The following POLDIP2 variants were observed in gnomAD, a reference collection of about 807,000 sequenced individuals.
POLDIP2 encodes the protein polymerase delta-interacting protein 2.
A neutral mutation model predicts 52.9 loss-of-function variants in POLDIP2; 32 were observed. That is an observed-to-expected ratio of 0.61 (90% confidence interval 0.46 to 0.81). The LOEUF (loss-of-function observed/expected upper bound fraction) is 0.81. Ranked by LOEUF, POLDIP2 falls within the 40% of genes least tolerant of loss-of-function variation. The pLI is 0.00. For synonymous variants in POLDIP2, 183 were observed against 183.0 expected (o/e 1.00, Z 0.00); for missense variants, 371 against 477.3 (o/e 0.78, Z 2.07).
chr17:28,346,932 CA>C lies in POLDIP2; in HGVS notation c.*1184del, dbSNP rs1467397549. On this transcript the variant is annotated 3_prime_UTR_variant, in exon 11 of 11. Transcript: ENST00000540200. The stretch of plus-strand genomic sequence containing the variant: ...GCAGGAAAGAATTTTTCCTTTATCA[CA>C]TAACTGTAATATTTGGTTGCTCAGC... 6.6e-6 allele frequency: 1 copy of C among 152,216 alleles called. No homozygotes were observed. Among genetic ancestry groups the C allele is most frequent in the Non-Finnish European group, 1.5e-5 (1 of 68,044 alleles). The allele number at this position is 152,216 out of a possible 1,614,324, so 9.4% of individuals were successfully genotyped here.
At chr17:28,351,445 T>G (rs533400741) in intron 7 of POLDIP2, among the ~76,000 whole-genome samples, 1 of 152,260 alleles carries the variant, frequency 6.6e-6, no homozygotes, top group Non-Finnish European at 1.5e-5. Context: ...GGATAAAGGA[T>G]TCCTTCCTGG....
chr17:28,354,518 TCATACAGTCTGGCCTG>T lies in POLDIP2; in HGVS notation c.295_310del (p.Gln99ThrfsTer23), dbSNP rs1907941022. On this transcript the variant is annotated frameshift_variant, in exon 3 of 11. Transcript: ENST00000540200. LOFTEE classifies it high-confidence loss of function. The stretch of plus-strand genomic sequence containing the variant: ...TGGAGCTGCAGAAGCCACATCCCGG[TCATACAGTCTGGCCTG>T]CCAGGGAAACAGGACGACACCTCGG... 1 of 1,560,156 alleles carries T rather than the reference TCATACAGTCTGGCCTG, an allele frequency of 6.4e-7. No individual in the cohort carries two copies. Among genetic ancestry groups the T allele is most frequent in the Non-Finnish European group, 8.7e-7 (1 of 1,151,944 alleles).
intron 1 of POLDIP2, 62 bp downstream of exon 1, chr17:28,357,226 C>T: frequency 6.8e-7 from 1 of 1,467,260 alleles, no homozygotes; most frequent in South Asian, 1.3e-5. Context: ...TCCGCACTGG[C>T]TAGGAACACG....
intron 2 of POLDIP2, 144 bp from the exon 3 acceptor site, chr17:28,354,729 C>G: frequency 3.1e-6 from 2 of 652,318 alleles, no homozygotes; most frequent in East Asian, 2.7e-5. Context: ...TCAACCAGAC[C>G]AATGCTGGAA....
chr17:28,353,079 G>A (rs1472797707), intron 5 of POLDIP2, 60 bp from the exon 6 acceptor site: 8 of 783,640 alleles, frequency 1.0e-5, no homozygotes, highest in Non-Finnish European at 1.9e-5. Context: ...AGATGGGGTT[G>A]AGAAGAAACA....
At chr17:28,349,560 GC>G (rs1555579558) in intron 9 of POLDIP2, among the ~76,000 whole-genome samples, 1 of 151,832 alleles carries the variant, frequency 6.6e-6, no homozygotes, top group Admixed American at 6.6e-5. Flanking sequence ...GATTGCTTGA[GC>G]CCAGAAAAGT....
Position 28,348,058 on chromosome 17 carries a change from G to T in POLDIP2, c.*59C>A. On this transcript the variant is annotated 3_prime_UTR_variant, in exon 11 of 11. Transcript: ENST00000540200. Reference sequence around the variant, plus strand: ...GGGAGAGAAGAGTTCTGCAGCAATTGTGGGATGAGAGTTGTTCTTCCCGGT... The same window carrying T: ...GGGAGAGAAGAGTTCTGCAGCAATTTTGGGATGAGAGTTGTTCTTCCCGGT... The T allele has an allele frequency of 1.1e-6, 1 of 949,868 alleles. No individual in the cohort carries two copies. Among genetic ancestry groups the T allele is most frequent in the Non-Finnish European group, 1.7e-6 (1 of 581,552 alleles). 58.8% of individuals were successfully genotyped at this position (949,868 alleles called of 1,614,324 possible).
intron 3 of POLDIP2, 27 bp from the exon 4 acceptor site, chr17:28,353,818 A>T: frequency 6.9e-7 from 1 of 1,453,640 alleles, no homozygotes; most frequent in Non-Finnish European, 9.7e-7. Flanking sequence ...GGAGGCCAAG[A>T]TCACCCCAGG....
rs532900593 is a variant in POLDIP2 at position 28,357,442 on chromosome 17, C to G, written c.7G>C (p.Ala3Pro). The G allele has an allele frequency of 6.9e-7, 1 of 1,449,656 alleles. No homozygotes were observed. The highest frequency in any genetic ancestry group is 9.0e-7 in the Non-Finnish European group (1 of 1,115,864). The allele number at this position is 1,449,656 out of a possible 1,614,324, so 89.8% of individuals were successfully genotyped here. ...GCCAGGGCCCGCCGGGCTGTACAGG[C>G]TGCCATGTCCCGCCCGAGCGCCCGC... Reference protein sequence around the residue: MAACTARRALAVG... With the variant: MAPCTARRALAVG... Residue 3 changes from alanine to proline, a missense_variant, in exon 1 of 11, where the codon GCC (alanine) becomes CCC (proline). Transcript: ENST00000540200.
intron 5 of POLDIP2, 46 bp from the exon 6 acceptor site, chr17:28,353,065 A>T (rs568820252): frequency 1.2e-6 from 1 of 810,556 alleles, no homozygotes; most frequent in African/African-American, 1.7e-5. Flanking sequence ...ACAGGAGAGG[A>T]GAGAGATGGG....
rs747323097 is a variant in POLDIP2, at chr17:28,353,234, T to A, written c.514+7A>T. ...TGACGGGCACCATTCAAATGCTAAC[T>A]ACTCACCTGGGATGGCATAGAGGGC... On this transcript the variant is annotated splice_region_variant and intron_variant, in intron 5 of 10. Coordinates refer to ENST00000540200, the MANE Select transcript of POLDIP2 (RefSeq NM_015584.5). 1 of 1,464,354 alleles carries A rather than the reference T, an allele frequency of 6.8e-7. No homozygotes were observed. Among genetic ancestry groups the A allele is most frequent in the Non-Finnish European group, 9.6e-7 (1 of 1,046,462 alleles). 90.7% of individuals were successfully genotyped at this position (1,464,354 alleles called of 1,614,324 possible). A position where few individuals can be genotyped will look rare whatever the true frequency, so the allele number is the denominator to read the frequency against.
At chr17:28,349,620 C>T (rs1907721471) in intron 9 of POLDIP2, among the ~76,000 whole-genome samples, 1 of 152,060 alleles carries the variant, frequency 6.6e-6, no homozygotes, top group Admixed American at 6.5e-5. Flanking sequence ...ACAGCGAGAC[C>T]CTGTCTCTAA....
chr17:28,352,983 T>C lies in POLDIP2; in HGVS notation c.551A>G (p.Tyr184Cys). The change falls in exon 6 of 11, where the codon TAC (tyrosine) becomes TGC (cysteine). Residue 184 changes from tyrosine to cysteine, a missense_variant. Transcript: ENST00000540200. ...GATGGGAACCTGATCAGTGGAGGTG[T>C]AGGGGAGGATGTCTTCATGGCTGAC... The part of the protein sequence containing the change: ...DYVSHEDILP[Y>C]TSTDQVPIQH... 6 of 1,363,794 alleles carry C rather than the reference T, an allele frequency of 4.4e-6. No individual in the cohort carries two copies. Among genetic ancestry groups the C allele is most frequent in the Non-Finnish European group, 5.3e-6 (5 of 951,600 alleles). 84.5% of individuals were successfully genotyped at this position (1,363,794 alleles called of 1,614,324 possible).
chr17:28,354,156 G>A (rs1417352642), intron 3 of POLDIP2, among the ~76,000 whole-genome samples: 1 of 152,190 alleles, frequency 6.6e-6, no homozygotes, highest in Non-Finnish European at 1.5e-5. Flanking sequence ...CTGTTTTAAT[G>A]TATTCTAGGG....
At chr17:28,351,511 C>T (rs1555579962) in intron 7 of POLDIP2, among the ~76,000 whole-genome samples, 153 bp downstream of exon 7, 1 of 152,114 alleles carries the variant, frequency 6.6e-6, no homozygotes, top group Non-Finnish European at 1.5e-5. Flanking sequence ...TGTCTAGAGG[C>T]TACTCAACCC....
At chr17:28,348,341 C>T in intron 10 of POLDIP2, 110 bp from the exon 11 acceptor site, 1 of 678,950 alleles carries the variant, frequency 1.5e-6, no homozygotes, top group Non-Finnish European at 2.6e-6. Context: ...TGAGCCTGAG[C>T]TCTCTTCTAT....
At position 28,357,489 on chromosome 17, in the gene POLDIP2, G is replaced by C; in HGVS notation, c.-41C>G. 2 of 1,432,648 alleles carry C rather than the reference G, an allele frequency of 1.4e-6. No individual in the cohort carries two copies. Among genetic ancestry groups the C allele is most frequent in the Non-Finnish European group, 1.8e-6 (2 of 1,104,558 alleles). 88.7% of individuals were successfully genotyped at this position (1,432,648 alleles called of 1,614,324 possible). On this transcript the variant is annotated 5_prime_UTR_variant, in exon 1 of 11. Coordinates refer to ENST00000540200, the MANE Select transcript of POLDIP2 (RefSeq NM_015584.5). ...CCGCCCGGCTGCTGACACAGAGCCC[G>C]ACCCGCGGCCGGGCGGCGTTCCGCC...
intron 6 of POLDIP2, 85 bp from the exon 7 acceptor site, chr17:28,351,885 T>C (rs1179370568): frequency 1.5e-5 from 20 of 1,291,084 alleles, no homozygotes; most frequent in Non-Finnish European, 2.0e-5. Context: ...TCCAGTGCGA[T>C]TGCCCCTCCT....
intron 7 of POLDIP2, among the ~76,000 whole-genome samples, chr17:28,351,155 A>G (rs1238463606): frequency 3.9e-5 from 6 of 152,062 alleles, no homozygotes; most frequent in African/African-American, 1.2e-4. Context: ...GTCCCTTGCT[A>G]TAATACTTTA....
Sources: gnomAD v4.1 joint callset for allele counts (sites outside exome capture counted in the v4.1 genomes callset) on GRCh38, gnomAD v4.1.1 for gene constraint, MANE v1.5 for transcripts, NCBI Gene and HGNC (gene_info 2026-07-23, HGNC 2026-07-21) for gene names.